HNRNPLL: variants seen among roughly 807,000 people sequenced by gnomAD.
HNRNPLL encodes the protein heterogeneous nuclear ribonucleoprotein L like, also known as heterogeneous nuclear ribonucleoprotein L-like.
A neutral mutation model predicts 67.1 loss-of-function variants in HNRNPLL; 25 were observed. The ratio of observed to expected loss-of-function variants is 0.37; its 90% CI spans 0.27 to 0.52. HNRNPLL has a LOEUF of 0.52. Ranked by LOEUF, HNRNPLL falls within the 20% of genes least tolerant of loss-of-function variation. HNRNPLL has a pLI of 0.90. For synonymous variants in HNRNPLL, 267 were observed against 241.7 expected (o/e 1.10, Z -0.97); for missense variants, 542 against 673.9 (o/e 0.80, Z 2.17).
chr2:38,574,447 C>T (rs1666220284), intron 7 of HNRNPLL, among the ~76,000 whole-genome samples: 1 of 151,778 alleles, frequency 6.6e-6, no homozygotes, highest in African/African-American at 2.4e-5. Flanking sequence ...TGTGCAAAAC[C>T]AATCCAAAAA....
intron 1 of HNRNPLL, among the ~76,000 whole-genome samples, chr2:38,599,432 C>A (rs1472383190): frequency 6.6e-6 from 1 of 152,158 alleles, no homozygotes; most frequent in Non-Finnish European, 1.5e-5. Flanking sequence ...TTAATATGAT[C>A]TTGAAGGTCA....
rs74762159 is a variant in HNRNPLL at position 38,591,678 on chromosome 2, A to C, written c.190-30T>G. On this transcript the variant is annotated intron_variant, in intron 1 of 12. Transcript: ENST00000449105. ...CAAGAGAAAATAATTTCTAGTTAAAAAAATTTTAAGTCTAAGGCCGAACGC... is the reference window on the plus strand; with the variant it reads ...CAAGAGAAAATAATTTCTAGTTAAACAAATTTTAAGTCTAAGGCCGAACGC... The C allele has an allele frequency of 1.1e-3, 1,649 of 1,518,428 alleles. 25 individuals carry two copies. In the East Asian group the frequency reaches 0.032, roughly 30 times the overall value. The allele number at this position is 1,518,428 out of a possible 1,614,324, so 94.1% of individuals were successfully genotyped here. A position where few individuals can be genotyped will look rare whatever the true frequency, so the allele number is the denominator to read the frequency against.
chr2:38,602,113 C>CA (rs1360312849), intron 1 of HNRNPLL: 1 of 345,946 alleles, frequency 2.9e-6, no homozygotes, highest in East Asian at 7.2e-5. Flanking sequence ...GTTAAACTAA[C>CA]AAAGAGCTCC....
At chr2:38,593,505 G>A (rs1477344056) in intron 1 of HNRNPLL, among the ~76,000 whole-genome samples, 1 of 152,190 alleles carries the variant, frequency 6.6e-6, no homozygotes, top group Non-Finnish European at 1.5e-5. Flanking sequence ...ATAAAAGGAC[G>A]ACAGAAAACT....
chr2:38,566,354 C>T (rs1184190793), intron 12 of HNRNPLL, among the ~76,000 whole-genome samples: 1 of 104,498 alleles, frequency 9.6e-6, no homozygotes, highest in African/African-American at 4.0e-5. Context: ...GGGGACAGAG[C>T]AAGACTCGTC....
In HNRNPLL at chr2:38,597,699, T is replaced by A. The variant is rs867382073; in HGVS notation, c.189+4739A>T. Among the ~76,000 whole-genome samples the A allele has an allele frequency of 1.8e-4, 27 of 152,002 alleles. 1 individual carries two copies. The highest frequency in any genetic ancestry group is 3.4e-3 in the Middle Eastern group (1 of 292). Reference sequence around the variant, plus strand: ...GTCAAGTAACTTTTTTTATTTTTTTTTTTTTTTGAGACGGAGTCTCGCTCT... The same window carrying A: ...GTCAAGTAACTTTTTTTATTTTTTTATTTTTTTGAGACGGAGTCTCGCTCT... On this transcript the variant is annotated intron_variant, in intron 1 of 12. Coordinates refer to ENST00000449105, the MANE Select transcript of HNRNPLL (RefSeq NM_138394.4).
intron 2 of HNRNPLL, among the ~76,000 whole-genome samples, chr2:38,587,808 G>A (rs945958324): frequency 6.6e-6 from 1 of 152,054 alleles, no homozygotes; most frequent in Non-Finnish European, 1.5e-5. Context: ...AATTGTGATC[G>A]CCGATGTAGG....
In HNRNPLL at chr2:38,563,982, G is replaced by T; in HGVS notation, c.*200C>A. ...TGAAGCTGTAGATAGTCTACATTAT[G>T]ATATTCTATCTTAAAATGAAAACAA... is the stretch of plus-strand genomic sequence containing the variant. On this transcript the variant is annotated 3_prime_UTR_variant, in exon 13 of 13. Coordinates refer to ENST00000449105, the MANE Select transcript of HNRNPLL (RefSeq NM_138394.4). 1 of 529,062 alleles carries T rather than the reference G, an allele frequency of 1.9e-6. No individual in the cohort carries two copies. The highest frequency in any genetic ancestry group is 3.2e-5 in the East Asian group (1 of 31,074). 32.8% of individuals were successfully genotyped at this position (529,062 alleles called of 1,614,324 possible).
intron 12 of HNRNPLL, chr2:38,565,960 C>T (rs780679437): frequency 1.2e-6 from 1 of 861,182 alleles, no homozygotes. Context: ...AGCCATAAAT[C>T]ATTCATTGTT....
chr2:38,589,852 C>T (rs1224915575), intron 2 of HNRNPLL, among the ~76,000 whole-genome samples: 1 of 152,044 alleles, frequency 6.6e-6, no homozygotes, highest in East Asian at 1.9e-4. Flanking sequence ...ATTTTAAAGC[C>T]CTAAATACAC....
Position 38,568,430 on chromosome 2 carries a change from T to C in HNRNPLL, c.1430A>G (p.His477Arg), listed in dbSNP as rs1665954138. 1.2e-6 allele frequency: 2 copies of C among 1,602,356 alleles called. No individual in the cohort carries two copies. The highest frequency in any genetic ancestry group is 1.1e-5 in the South Asian group (1 of 90,114). ...EETFTKLCND[H>R]EVLTFIKYKV... ...ATATTTGATGAATGTAAGAACTTCA[T>C]GGTCATTACACAACTGTCAAAGAAA... The change falls in exon 11 of 13, where the codon CAT (histidine) becomes CGT (arginine). Residue 477 changes from histidine to arginine, a missense_variant. Physicochemically the swap from His to Arg is conservative, Grantham distance 29. Around this residue, in one of 2 missense-constraint regions of HNRNPLL, gnomAD observed 415 missense variants for 575.2 expected, o/e 0.72. Coordinates refer to ENST00000449105, the MANE Select transcript of HNRNPLL (RefSeq NM_138394.4).
chr2:38,598,030 T>C (rs1408366015), intron 1 of HNRNPLL, among the ~76,000 whole-genome samples: 1 of 151,822 alleles, frequency 6.6e-6, no homozygotes, highest in Admixed American at 6.6e-5. Flanking sequence ...TTTTTTTTGC[T>C]CATGTAATAG....
At chr2:38,574,648 A>T (rs1206093595) in intron 7 of HNRNPLL, among the ~76,000 whole-genome samples, 1 of 151,846 alleles carries the variant, frequency 6.6e-6, no homozygotes, top group East Asian at 1.9e-4. Flanking sequence ...GCTGCCATTC[A>T]TAACAACACA....
Position 38,573,347 on chromosome 2 carries a change from A to G in HNRNPLL, c.955T>C (p.Leu319=). ...RDTPELVAYP[L]PQASSSYMHG... ...ATGTAAGAGGAAGAAGCCTGTGGTA[A>G]TGGATAAGCAACAAGTTCAGGTGTA... Residue 319 remains leucine, a synonymous_variant, in exon 8 of 13, where the codon TTA becomes CTA. Transcript: ENST00000449105. 1 of 1,612,732 alleles carries G rather than the reference A, an allele frequency of 6.2e-7. No individual in the cohort carries two copies.
intron 1 of HNRNPLL, among the ~76,000 whole-genome samples, chr2:38,593,168 G>A (rs1667029320): frequency 6.6e-6 from 1 of 152,188 alleles, no homozygotes; most frequent in Admixed American, 6.5e-5. Context: ...TGGTTAAACA[G>A]ATATCCCTTA....
chr2:38,589,394 A>G (rs1666873164), intron 2 of HNRNPLL, among the ~76,000 whole-genome samples: 1 of 152,224 alleles, frequency 6.6e-6, no homozygotes. Flanking sequence ...AACATTTTGA[A>G]GCAAAATTTC....
In HNRNPLL at chr2:38,563,238, T is replaced by C. The variant is rs1665727301; in HGVS notation, c.*944A>G. The C allele has an allele frequency of 6.6e-6, 1 of 151,964 alleles. No individual in the cohort carries two copies. The highest frequency in any genetic ancestry group is 2.1e-4 in the South Asian group (1 of 4,834). 9.4% of individuals were successfully genotyped at this position (151,964 alleles called of 1,614,324 possible). ...GGTATTGAGACAAATAGCTATCTGT[T>C]TGGAATAAAAATAAAATTAGATCCT... On this transcript the variant is annotated 3_prime_UTR_variant, in exon 13 of 13. Coordinates refer to ENST00000449105, the MANE Select transcript of HNRNPLL (RefSeq NM_138394.4).
intron 1 of HNRNPLL, among the ~76,000 whole-genome samples, chr2:38,598,965 T>C (rs985331105): frequency 6.6e-6 from 1 of 152,220 alleles, no homozygotes; most frequent in Non-Finnish European, 1.5e-5. Context: ...TTTATTTCCA[T>C]GAAGTAGTTA....
At chr2:38,565,471 T>A (rs1032358452) in intron 12 of HNRNPLL, among the ~76,000 whole-genome samples, 1 of 152,120 alleles carries the variant, frequency 6.6e-6, no homozygotes, top group Admixed American at 6.6e-5. Flanking sequence ...CTTGGGAGGC[T>A]GAGGCCAGAG....
Sources: gnomAD v4.1 joint callset for allele counts (sites outside exome capture counted in the v4.1 genomes callset) on GRCh38, gnomAD v4.1.1 for gene constraint, gnomAD v4.1.1 regional missense constraint, MANE v1.5 for transcripts, NCBI Gene and HGNC (gene_info 2026-07-23, HGNC 2026-07-21) for gene names.